The following MPRIP variants were observed in gnomAD, a reference collection of about 807,000 sequenced individuals.
MPRIP encodes myosin phosphatase Rho interacting protein, also known as myosin phosphatase Rho-interacting protein.
MPRIP carries 59 observed loss-of-function variants against 234.9 expected under a neutral mutation model. The ratio of observed to expected loss-of-function variants is 0.25; its 90% CI spans 0.20 to 0.31. The LOEUF (loss-of-function observed/expected upper bound fraction) is 0.31, where lower values mean the gene tolerates loss of function less well. MPRIP is among the 10% of genes least tolerant of loss of function. The pLI is 1.00. For synonymous variants in MPRIP, 1,144 were observed against 1,263.9 expected (o/e 0.91, Z 2.01); for missense variants, 2,436 against 3,071.0 (o/e 0.79, Z 4.89).
rs1014126381 is a variant in MPRIP at position 17,166,466 on chromosome 17, C to T, written c.4875C>T (p.Phe1625=). The T allele has an allele frequency of 2.3e-6, 3 of 1,304,188 alleles. No homozygotes were observed. In the African/African-American group the frequency reaches 4.6e-5, roughly 20 times the overall value. 80.8% of individuals were successfully genotyped at this position (1,304,188 alleles called of 1,614,324 possible). Residue 1625 remains phenylalanine, a synonymous_variant, in exon 16 of 24, where the codon TTC becomes TTT. Coordinates refer to ENST00000651222, the MANE Select transcript of MPRIP (RefSeq NM_001364716.4). The surrounding 1 kb of genome is among the most constrained non-coding windows in gnomAD (Gnocchi z 4.4). ...GGAAGGTCCTAGTGGATGGTGAGTT[C>T]TGGAGCCAGGTTGAGTCTCTGAGGA... ...WARKVLVDGE[F]WSQVESLRKH...
intron 3 of MPRIP, among the ~76,000 whole-genome samples, chr17:17,098,198 A>G (rs1203149308): frequency 6.6e-6 from 1 of 152,180 alleles, no homozygotes; most frequent in Non-Finnish European, 1.5e-5. Flanking sequence ...AGAAAGGTAA[A>G]GCAGCTCCAG....
intron 3 of MPRIP, among the ~76,000 whole-genome samples, chr17:17,099,150 T>C (rs935504690): frequency 1.3e-5 from 2 of 152,102 alleles, no homozygotes; most frequent in African/African-American, 4.8e-5. Context: ...ACATTGCAAA[T>C]AGCAGCCGAG....
Position 17,059,321 on chromosome 17 carries a change from A to G in MPRIP, c.123+16350A>G, listed in dbSNP as rs531238421. Among the ~76,000 whole-genome samples the G allele has an allele frequency of 2.0e-5, 3 of 152,250 alleles. No homozygotes were observed. The South Asian group carries it at 6.2e-4, about 32-fold the overall frequency. On this transcript the variant is annotated intron_variant, in intron 1 of 23. Coordinates refer to ENST00000651222, the MANE Select transcript of MPRIP (RefSeq NM_001364716.4). ...CTGTACACTCATGAAAGAGTGAGAG[A>G]GGAGGCAAAGGATGTTTTAGTATTT...
chr17:17,161,064 A>G (rs1363163169), intron 14 of MPRIP, among the ~76,000 whole-genome samples, 176 bp from the exon 15 acceptor site: 1 of 152,176 alleles, frequency 6.6e-6, no homozygotes, highest in Non-Finnish European at 1.5e-5. Context: ...GATGGCTTGC[A>G]TTGGAACCTT....
In MPRIP at chr17:17,142,753, C is replaced by T; in HGVS notation, c.1377C>T (p.Phe459=). The change falls in exon 8 of 24, where the codon TTC becomes TTT. Residue 459 remains phenylalanine (F), a synonymous_variant. Transcript: ENST00000651222. The stretch of plus-strand genomic sequence containing the variant: ...AGGGCCGCAGCGAGAAGAGGGCGTT[C>T]CCTAGGAAGCGGGTGAGCTCCTGGG... ...TRQGRSEKRA[F]PRKRDFTNEA... 6.2e-7 allele frequency: 1 copy of T among 1,612,384 alleles called. No individual in the cohort carries two copies. Among genetic ancestry groups the T allele is most frequent in the Non-Finnish European group, 8.5e-7 (1 of 1,179,770 alleles).
Position 17,186,892 on chromosome 17 carries a change from C to A in MPRIP, c.*1998C>A, listed in dbSNP as rs1360674695. 1 of 152,238 alleles carries A rather than the reference C, an allele frequency of 6.6e-6. No individual in the cohort carries two copies. Among genetic ancestry groups the A allele is most frequent in the Non-Finnish European group, 1.5e-5 (1 of 68,042 alleles). 9.4% of individuals were successfully genotyped at this position (152,238 alleles called of 1,614,324 possible). ...GACACTGCTGGGTCACACGAATGCTCCAGGACAGACAGGGACCTGGAGTGC... is the reference window on the plus strand; with the variant it reads ...GACACTGCTGGGTCACACGAATGCTACAGGACAGACAGGGACCTGGAGTGC... On this transcript the variant is annotated 3_prime_UTR_variant, in exon 24 of 24. Transcript: ENST00000651222.
intron 3 of MPRIP, among the ~76,000 whole-genome samples, chr17:17,122,711 G>T (rs142141323): frequency 6.6e-6 from 1 of 152,344 alleles, no homozygotes; most frequent in African/African-American, 2.4e-5. Context: ...TTCCAAGAGT[G>T]CTGGTTAGAA....
chr17:17,190,613 C>A lies in MPRIP; in HGVS notation c.*5719C>A, dbSNP rs180881232. 1 of 152,230 alleles carries A rather than the reference C, an allele frequency of 6.6e-6. No individual in the cohort carries two copies. The highest frequency in any genetic ancestry group is 2.4e-5 in the African/African-American group (1 of 41,452). The allele number at this position is 152,230 out of a possible 1,614,324, so 9.4% of individuals were successfully genotyped here. A position where few individuals can be genotyped will look rare whatever the true frequency, so the allele number is the denominator to read the frequency against. On this transcript the variant is annotated 3_prime_UTR_variant, in exon 24 of 24. Coordinates refer to ENST00000651222, the MANE Select transcript of MPRIP (RefSeq NM_001364716.4). ...TTGCCCTTTTCAGAACTGTGAGCTT[C>A]AAGTATTCTTGCTTCTCTGTAAAGG... is the stretch of plus-strand genomic sequence containing the variant.
At position 17,042,828 on chromosome 17, in the gene MPRIP, G is replaced by A. The variant is rs552187205; in HGVS notation, c.-21G>A. On this transcript the variant is annotated 5_prime_UTR_variant, in exon 1 of 24. Coordinates refer to ENST00000651222, the MANE Select transcript of MPRIP (RefSeq NM_001364716.4). The stretch of plus-strand genomic sequence containing the variant: ...CCAGGCCTGCGCCGCCGCCGCCGCC[G>A]CCGTCGCCGCCGCGCCGACCATGTC... The A allele has an allele frequency of 2.3e-5, 33 of 1,442,284 alleles. 1 individual carries two copies. The South Asian group carries it at 3.5e-4, about 15-fold the overall frequency. 89.3% of individuals were successfully genotyped at this position (1,442,284 alleles called of 1,614,324 possible).
chr17:17,046,808 T>C (rs1264606176), intron 1 of MPRIP, among the ~76,000 whole-genome samples: 1 of 152,238 alleles, frequency 6.6e-6, no homozygotes, highest in East Asian at 1.9e-4. Flanking sequence ...GTGCAGACTT[T>C]GCCGTCTCAT....
chr17:17,163,650 G>A (rs555364020), intron 15 of MPRIP, among the ~76,000 whole-genome samples: 1 of 152,160 alleles, frequency 6.6e-6, no homozygotes, highest in East Asian at 1.9e-4. Context: ...TTAGAAGGAA[G>A]TGGCATCATT....
chr17:17,085,010 G>A (rs142275083), intron 3 of MPRIP, among the ~76,000 whole-genome samples: 2 of 152,302 alleles, frequency 1.3e-5, no homozygotes, highest in Non-Finnish European at 2.9e-5. Flanking sequence ...GATGTTTTAT[G>A]GGTCAGTCTT....
intron 15 of MPRIP, 49 bp downstream of exon 15, chr17:17,161,405 T>C: frequency 1.5e-6 from 2 of 1,343,056 alleles, no homozygotes; most frequent in Non-Finnish European, 2.1e-6. Flanking sequence ...GGAGCTTCAG[T>C]GTGAAGGGTT....
intron 1 of MPRIP, among the ~76,000 whole-genome samples, chr17:17,058,822 T>C (rs2088785454): frequency 6.6e-6 from 1 of 152,118 alleles, no homozygotes; most frequent in Non-Finnish European, 1.5e-5. Flanking sequence ...AACCAGGAGA[T>C]AGACTTAAAG....
intron 1 of MPRIP, among the ~76,000 whole-genome samples, chr17:17,049,276 A>G (rs1444677105): frequency 1.3e-5 from 2 of 152,230 alleles, no homozygotes; most frequent in Non-Finnish European, 2.9e-5. Context: ...TGCTGGTTGC[A>G]CAGCCTTGTG....
In MPRIP at chr17:17,186,292, G is replaced by C. The variant is rs994024892; in HGVS notation, c.*1398G>C. ...GGCGTTGAAATCTAGAAATCCTGTTGCTCAGTTTCTAGATGAAGTCATGAG... is the reference window on the plus strand; with the variant it reads ...GGCGTTGAAATCTAGAAATCCTGTTCCTCAGTTTCTAGATGAAGTCATGAG... On this transcript the variant is annotated 3_prime_UTR_variant, in exon 24 of 24. Transcript: ENST00000651222. The C allele has an allele frequency of 6.6e-6, 1 of 152,174 alleles. No homozygotes were observed. The highest frequency in any genetic ancestry group is 1.5e-5 in the Non-Finnish European group (1 of 68,052). 9.4% of individuals were successfully genotyped at this position (152,174 alleles called of 1,614,324 possible). A position where few individuals can be genotyped will look rare whatever the true frequency, so the allele number is the denominator to read the frequency against.
chr17:17,102,395 C>G (rs1456465835), intron 3 of MPRIP, among the ~76,000 whole-genome samples: 1 of 152,256 alleles, frequency 6.6e-6, no homozygotes, highest in African/African-American at 2.4e-5. Context: ...GCTGCCCCTT[C>G]AGTGCTGAGA....
chr17:17,121,498 C>CAG (rs3053191), intron 3 of MPRIP, among the ~76,000 whole-genome samples: 103,396 of 151,876 alleles, frequency 0.68, 37,036 homozygotes, highest in East Asian at 0.99. Flanking sequence ...TGAGAGGACA[C>CAG]GGGAAGAGTT....
intron 3 of MPRIP, among the ~76,000 whole-genome samples, chr17:17,122,681 A>G (rs1246272961): frequency 6.6e-6 from 1 of 152,220 alleles, no homozygotes; most frequent in Non-Finnish European, 1.5e-5. Context: ...GCAGGTCCTC[A>G]GTACGTACCT....
Sources: allele counts gnomAD v4.1 joint callset (sites outside exome capture counted in the v4.1 genomes callset), GRCh38; gene constraint gnomAD v4.1.1; non-coding constraint Gnocchi (gnomAD v3.1); transcripts MANE v1.5; gene names NCBI Gene and HGNC (gene_info 2026-07-23, HGNC 2026-07-21).